The following SLC35F4 variants were observed in gnomAD, a reference collection of about 807,000 sequenced individuals.
SLC35F4 encodes the protein chromosome 14 open reading frame 36.
A neutral mutation model predicts 44.2 loss-of-function variants in SLC35F4; 24 were observed. The observed-to-expected ratio is 0.54, with a 90% confidence interval of 0.39 to 0.76. SLC35F4 has a LOEUF of 0.76. Among genes scored for constraint, SLC35F4 ranks in the 30% least tolerant of loss-of-function variants. The pLI, the probability that SLC35F4 is intolerant of heterozygous loss-of-function variation, is 0.00. For missense variants in SLC35F4, 562 were observed against 586.1 expected (o/e 0.96, Z 0.42); for synonymous variants, 238 against 223.6 (o/e 1.06, Z -0.57).
intron 1 of SLC35F4, among the ~76,000 whole-genome samples, chr14:57,726,026 A>G (rs921097085): frequency 1.3e-5 from 2 of 152,174 alleles, no homozygotes; most frequent in African/African-American, 4.8e-5. Flanking sequence ...TGCCAACTGG[A>G]TACTTTGGGA....
chr14:57,983,164 G>A (rs1486716522), upstream of SLC35F4, among the ~76,000 whole-genome samples: 1 of 152,258 alleles, frequency 6.6e-6, no homozygotes, highest in African/African-American at 2.4e-5. Context: ...GGAGACAGGA[G>A]GAGTCTGGCT....
chr14:57,841,880 T>TA (rs1885524285), intron 1 of SLC35F4, among the ~76,000 whole-genome samples: 1 of 152,334 alleles, frequency 6.6e-6, no homozygotes, highest in African/African-American at 2.4e-5. Flanking sequence ...TAAAATTTTT[T>TA]ATGTGCTGAA....
intron 1 of SLC35F4, among the ~76,000 whole-genome samples, chr14:57,964,991 A>AAAATATATATATATATATATAT (rs1555331532): frequency 1.0e-4 from 12 of 115,668 alleles, no homozygotes; most frequent in African/African-American, 4.4e-4. Context: ...AAAAAAAAAA[A>AAAATATATATATATATATATAT]ATATATATAT....
At chr14:57,855,378 G>A (rs1886983520) in intron 1 of SLC35F4, among the ~76,000 whole-genome samples, 1 of 152,050 alleles carries the variant, frequency 6.6e-6, no homozygotes, top group Non-Finnish European at 1.5e-5. Context: ...AGTGGGCAAA[G>A]AATATGAACA....
intron 1 of SLC35F4, among the ~76,000 whole-genome samples, chr14:57,915,168 A>G (rs1274246931): frequency 2.0e-5 from 3 of 152,162 alleles, no homozygotes; most frequent in Non-Finnish European, 4.4e-5. Flanking sequence ...ACTGCACCAG[A>G]AAGTGGGAAA....
At chr14:57,670,639 G>A (rs1007382211) in intron 1 of SLC35F4, among the ~76,000 whole-genome samples, 1 of 151,984 alleles carries the variant, frequency 6.6e-6, no homozygotes, top group Non-Finnish European at 1.5e-5. Flanking sequence ...TAGTTGAGCG[G>A]TTTTGAGTGA....
In SLC35F4 at chr14:57,770,822, C is replaced by T. The variant is rs551197930; in HGVS notation, c.103+94901G>A. Among the ~76,000 whole-genome samples the T allele has an allele frequency of 1.3e-4, 20 of 152,292 alleles. No individual in the cohort carries two copies. In the South Asian group the frequency reaches 3.1e-3, roughly 24 times the overall value. On this transcript the variant is annotated intron_variant, in intron 1 of 7. Transcript: ENST00000556826. ...GGACAATTTATTATCGTGTAAGTTA[C>T]AGTATAGGATAGTACAATCTTGGCT...
chr14:57,864,446 C>T (rs1010935728), intron 1 of SLC35F4, among the ~76,000 whole-genome samples: 7 of 152,176 alleles, frequency 4.6e-5, no homozygotes, highest in Non-Finnish European at 7.3e-5. Flanking sequence ...ATCAGATAGG[C>T]CTTTCCTGAA....
intron 1 of SLC35F4, among the ~76,000 whole-genome samples, chr14:57,649,834 C>T (rs956116524): frequency 1.3e-5 from 2 of 152,050 alleles, no homozygotes; most frequent in African/African-American, 4.8e-5. Flanking sequence ...TGACTCCATA[C>T]TGAATCCAGA....
intron 1 of SLC35F4, among the ~76,000 whole-genome samples, chr14:57,918,239 T>C (rs1889369345): frequency 6.6e-6 from 1 of 152,160 alleles, no homozygotes; most frequent in African/African-American, 2.4e-5. Flanking sequence ...TGTAGGGGCC[T>C]TTCTATGACT....
chr14:57,692,588 G>A (rs907652850), intron 1 of SLC35F4, among the ~76,000 whole-genome samples: 1 of 151,860 alleles, frequency 6.6e-6, no homozygotes, highest in Non-Finnish European at 1.5e-5. Context: ...CTCTCCTGTG[G>A]TGCTATTGTG....
At chr14:57,680,538 A>G (rs1327090598) in intron 1 of SLC35F4, among the ~76,000 whole-genome samples, 3 of 152,124 alleles carry the variant, frequency 2.0e-5, no homozygotes, top group Admixed American at 6.5e-5. Context: ...AGGCAAGAGA[A>G]AGAAATAAAG....
At chr14:57,656,134 C>T (rs925990846) in intron 1 of SLC35F4, among the ~76,000 whole-genome samples, 1 of 152,038 alleles carries the variant, frequency 6.6e-6, no homozygotes, top group African/African-American at 2.4e-5. Flanking sequence ...CCCTACCTGC[C>T]CTGCCAGCCC....
At chr14:57,653,365 A>G (rs569727429) in intron 1 of SLC35F4, among the ~76,000 whole-genome samples, 1 of 152,300 alleles carries the variant, frequency 6.6e-6, no homozygotes, top group Admixed American at 6.5e-5. Context: ...GAGAAGACCC[A>G]GGTAAAACCA....
intron 1 of SLC35F4, among the ~76,000 whole-genome samples, chr14:57,901,925 CACTCAGT>C (rs918625901): frequency 3.4e-4 from 52 of 152,244 alleles, no homozygotes; most frequent in Middle Eastern, 6.8e-3. Context: ...TTCTGACCTC[CACTCAGT>C]ACTCAGTACT....
At position 57,682,577 on chromosome 14, in the gene SLC35F4, T is replaced by C. The variant is rs186018644; in HGVS notation, c.104-88453A>G. On this transcript the variant is annotated intron_variant, in intron 1 of 7. Transcript: ENST00000556826. ...GGGTGCAACAAACTACCATGGCACA[T>C]GTACACCTATGCAATAAACATGCAC... Among the ~76,000 whole-genome samples the C allele has an allele frequency of 5.7e-4, 87 of 151,844 alleles. 1 individual carries two copies. The East Asian group carries it at 9.7e-3, about 17-fold the overall frequency.
intron 1 of SLC35F4, among the ~76,000 whole-genome samples, chr14:57,920,598 C>T (rs1441013202): frequency 2.0e-5 from 3 of 152,166 alleles, no homozygotes; most frequent in African/African-American, 4.8e-5. Flanking sequence ...ATATAAAAAT[C>T]AGACCAATTA....
intron 1 of SLC35F4, among the ~76,000 whole-genome samples, chr14:57,653,406 C>G (rs2073856824): frequency 6.6e-6 from 1 of 152,132 alleles, no homozygotes; most frequent in African/African-American, 2.4e-5. Context: ...GAAGCAAGTG[C>G]CTGGGGAGTA....
At chr14:57,780,095 AAAAG>A (rs757517076) in intron 1 of SLC35F4, among the ~76,000 whole-genome samples, 1 of 152,214 alleles carries the variant, frequency 6.6e-6, no homozygotes, top group East Asian at 1.9e-4. Context: ...GCAATCAGGC[AAAAG>A]AAAGAAATAA....
Sources: allele counts gnomAD v4.1 joint callset (sites outside exome capture counted in the v4.1 genomes callset), GRCh38; gene constraint gnomAD v4.1.1; transcripts MANE v1.5; gene names NCBI Gene and HGNC (gene_info 2026-07-23, HGNC 2026-07-21).